The following HS3ST3A1 variants were observed in gnomAD, a reference collection of about 807,000 sequenced individuals.
HS3ST3A1 encodes the protein heparan sulfate glucosamine 3-O-sulfotransferase 3A1.
HS3ST3A1 carries 19 observed loss-of-function variants against 25.7 expected under a neutral mutation model. The ratio of observed to expected loss-of-function variants is 0.74; its 90% CI spans 0.52 to 1.08. HS3ST3A1 has a LOEUF of 1.08. Among genes scored for constraint, HS3ST3A1 ranks in the 50% least tolerant of loss-of-function variants. The pLI is 0.00. For synonymous variants in HS3ST3A1, 226 were observed against 278.6 expected, an observed-to-expected ratio of 0.81 and a Z score of 1.88; for missense variants, 459 against 594.3, an observed-to-expected ratio of 0.77 and a Z score of 2.37.
At chr17:13,553,279 C>A (rs183791185) in intron 1 of HS3ST3A1, among the ~76,000 whole-genome samples, 42 of 152,272 alleles carry the variant, frequency 2.8e-4, no homozygotes, top group Non-Finnish European at 7.3e-5. Context: ...AGCGCTGATG[C>A]CCCAGCAGGT....
At chr17:13,552,361 G>A (rs1049852547) in intron 1 of HS3ST3A1, among the ~76,000 whole-genome samples, 1 of 152,184 alleles carries the variant, frequency 6.6e-6, no homozygotes, top group African/African-American at 2.4e-5. Context: ...GATCACAGGC[G>A]TGAGCCACCG....
intron 1 of HS3ST3A1, among the ~76,000 whole-genome samples, chr17:13,514,785 C>G (rs1196043054): frequency 6.6e-6 from 1 of 152,162 alleles, no homozygotes; most frequent in Non-Finnish European, 1.5e-5. Flanking sequence ...GTTTTATATT[C>G]AGATGGTGGT....
intron 1 of HS3ST3A1, among the ~76,000 whole-genome samples, chr17:13,569,627 T>C (rs73296177): frequency 6.6e-6 from 1 of 152,126 alleles, no homozygotes. Flanking sequence ...TCCATTTCTA[T>C]CTCTCTATAC....
intron 1 of HS3ST3A1, among the ~76,000 whole-genome samples, chr17:13,517,505 TG>T (rs1314111413): frequency 6.6e-6 from 1 of 152,104 alleles, no homozygotes; most frequent in Non-Finnish European, 1.5e-5. Flanking sequence ...AATACAGAAG[TG>T]CTTGAGTGAA....
chr17:13,587,354 C>T (rs374366658), intron 1 of HS3ST3A1, among the ~76,000 whole-genome samples: 19 of 151,768 alleles, frequency 1.3e-4, no homozygotes, highest in South Asian at 4.2e-4. Flanking sequence ...CTCGGGAGGC[C>T]GAGGCAGGAG....
chr17:13,498,441 T>A (rs1375516927), intron 1 of HS3ST3A1, among the ~76,000 whole-genome samples: 1 of 152,206 alleles, frequency 6.6e-6, no homozygotes, highest in Non-Finnish European at 1.5e-5. Flanking sequence ...AGGCAGGTCA[T>A]ACAGATCGGA....
At chr17:13,554,911 CT>C (rs1178124764) in intron 1 of HS3ST3A1, among the ~76,000 whole-genome samples, 1 of 152,110 alleles carries the variant, frequency 6.6e-6, no homozygotes, top group East Asian at 1.9e-4. Flanking sequence ...AGACTGCCCC[CT>C]AACTCTATTC....
At chr17:13,596,450 G>C (rs551143327) in intron 1 of HS3ST3A1, among the ~76,000 whole-genome samples, 3 of 121,386 alleles carry the variant, frequency 2.5e-5, no homozygotes, top group East Asian at 2.8e-4. Flanking sequence ...CACACACACA[G>C]AGGAACTAGG....
intron 1 of HS3ST3A1, among the ~76,000 whole-genome samples, chr17:13,534,985 C>T (rs1402651908): frequency 6.6e-6 from 1 of 151,954 alleles, no homozygotes; most frequent in Non-Finnish European, 1.5e-5. Flanking sequence ...GAGATTGTGC[C>T]ATTGCACAAC....
At chr17:13,540,453 C>T (rs1263635762) in intron 1 of HS3ST3A1, among the ~76,000 whole-genome samples, 1 of 152,118 alleles carries the variant, frequency 6.6e-6, no homozygotes, top group Non-Finnish European at 1.5e-5. Flanking sequence ...GGGTTCCTTC[C>T]ATCTTCAACA....
At chr17:13,592,974 CT>C (rs1234631189) in intron 1 of HS3ST3A1, among the ~76,000 whole-genome samples, 2 of 152,176 alleles carry the variant, frequency 1.3e-5, no homozygotes, top group Non-Finnish European at 2.9e-5. Context: ...GAAGGTTGCA[CT>C]TTCTCTCTTC....
intron 1 of HS3ST3A1, among the ~76,000 whole-genome samples, chr17:13,540,225 T>C (rs969861777): frequency 7.2e-5 from 11 of 152,264 alleles, no homozygotes; most frequent in African/African-American, 2.2e-4. Context: ...TATAATGTTC[T>C]AGTGTTATCT....
intron 1 of HS3ST3A1, among the ~76,000 whole-genome samples, chr17:13,595,844 T>C (rs1908559783): frequency 1.8e-5 from 1 of 54,842 alleles, no homozygotes; most frequent in Admixed American, 2.2e-4. Context: ...CGAGGCCTTT[T>C]TGGTTGTTGT....
chr17:13,522,988 C>G (rs1444831400), intron 1 of HS3ST3A1, among the ~76,000 whole-genome samples: 1 of 151,564 alleles, frequency 6.6e-6, no homozygotes, highest in Non-Finnish European at 1.5e-5. Flanking sequence ...AAACAGACAG[C>G]TAGGGTGAGT....
At position 13,495,942 on chromosome 17, in the gene HS3ST3A1, C is replaced by A. The variant is rs902233916; in HGVS notation, c.*255G>T. ...GACAACTGATGCTTATACTTTATGACTGGGTATATAGAACATAAAATAAAA... is the reference window on the plus strand; with the variant it reads ...GACAACTGATGCTTATACTTTATGAATGGGTATATAGAACATAAAATAAAA... On this transcript the variant is annotated 3_prime_UTR_variant, in exon 2 of 2. Coordinates refer to ENST00000284110, the MANE Select transcript of HS3ST3A1 (RefSeq NM_006042.3). The A allele has an allele frequency of 1.9e-5, 7 of 363,668 alleles. No homozygotes were observed. The highest frequency in any genetic ancestry group is 1.7e-4 in the Admixed American group (4 of 23,460). The allele number at this position is 363,668 out of a possible 1,614,324, so 22.5% of individuals were successfully genotyped here.
intron 1 of HS3ST3A1, among the ~76,000 whole-genome samples, chr17:13,501,374 C>T (rs562027410): frequency 5.9e-5 from 9 of 152,122 alleles, no homozygotes; most frequent in Admixed American, 2.6e-4. Flanking sequence ...TATTTTACTA[C>T]AATTTTTTTA....
At chr17:13,548,048 T>G (rs10521225) in intron 1 of HS3ST3A1, among the ~76,000 whole-genome samples, 26,994 of 152,022 alleles carry the variant, frequency 0.18, 2,428 homozygotes, top group Admixed American at 0.19. Context: ...GTCTAAATTC[T>G]CACTTTCACA....
intron 1 of HS3ST3A1, among the ~76,000 whole-genome samples, chr17:13,558,132 G>A (rs960295836): frequency 5.9e-5 from 9 of 152,102 alleles, no homozygotes; most frequent in African/African-American, 1.9e-4. Context: ...AAATGGAAAA[G>A]CCAGGCATAG....
rs1397073868 is a variant in HS3ST3A1, at chr17:13,549,226, G to A, written c.599+51305C>T. Among the ~76,000 whole-genome samples, 6 of 152,260 alleles carry A rather than the reference G, an allele frequency of 3.9e-5. No individual in the cohort carries two copies. The East Asian group carries it at 7.8e-4, about 20-fold the overall frequency. On this transcript the variant is annotated intron_variant, in intron 1 of 1. Coordinates refer to ENST00000284110, the MANE Select transcript of HS3ST3A1 (RefSeq NM_006042.3). ...TAAGAGCTGTAACCCTCACTGCGAA[G>A]GTCTGCGGCTTCACTCCTGAAATCA...
Sources: allele counts gnomAD v4.1 joint callset (sites outside exome capture counted in the v4.1 genomes callset), GRCh38; gene constraint gnomAD v4.1.1; transcripts MANE v1.5; gene names NCBI Gene and HGNC (gene_info 2026-07-23, HGNC 2026-07-21).